Variants in PRKAR1B observed in about 807,000 individuals in gnomAD.
PRKAR1B encodes the protein protein kinase cAMP-dependent type I regulatory subunit beta, also known as cAMP-dependent protein kinase type I-beta regulatory subunit.
PRKAR1B carries 22 observed loss-of-function variants against 46.5 expected under a neutral mutation model. The ratio of observed to expected loss-of-function variants is 0.47; its 90% CI spans 0.34 to 0.68. The LOEUF (loss-of-function observed/expected upper bound fraction) is 0.68, where lower values mean the gene tolerates loss of function less well. Ranked by LOEUF, PRKAR1B falls within the 30% of genes least tolerant of loss-of-function variation. The probability of loss-of-function intolerance (pLI) is 0.01; values close to 1 mark genes in which losing one functional copy is unlikely to be tolerated. For missense variants in PRKAR1B, 445 were observed against 535.6 expected (o/e 0.83, Z 1.67); for synonymous variants, 259 against 217.7 (o/e 1.19, Z -1.67).
intron 7 of PRKAR1B, among the ~76,000 whole-genome samples, chr7:587,368 A>C (rs1016103964): frequency 8.5e-5 from 13 of 152,224 alleles, no homozygotes; most frequent in African/African-American, 2.9e-4. Context: ...GGCTGTGCCC[A>C]TCACATTGTC....
chr7:579,109 A>T, intron 9 of PRKAR1B, 147 bp downstream of exon 9: 1 of 1,535,158 alleles, frequency 6.5e-7, no homozygotes, highest in Non-Finnish European at 8.7e-7. Flanking sequence ...CAGACCACCC[A>T]CCCCATGGAG....
Position 596,127 on chromosome 7 carries a change from T to A in PRKAR1B, c.708+19A>T, listed in dbSNP as rs760050047. On this transcript the variant is annotated intron_variant, in intron 7 of 10. Transcript: ENST00000537384. The stretch of plus-strand genomic sequence containing the variant: ...CAAGGGTGGGTGTTGGCCTTCTCTG[T>A]GCTTGGGCACCAACTCACCATAAGG... 1.2e-6 allele frequency: 2 copies of A among 1,606,308 alleles called. No homozygotes were observed. Among genetic ancestry groups the A allele is most frequent in the African/African-American group, 2.7e-5 (2 of 74,814 alleles).
intron 8 of PRKAR1B, 41 bp from the exon 9 acceptor site, chr7:579,418 G>GC (rs1246475794): frequency 6.2e-7 from 1 of 1,606,684 alleles, no homozygotes; most frequent in Non-Finnish European, 8.5e-7. Context: ...CGGGGCCCAC[G>GC]CCCCCACAGC....
At chr7:723,108 C>G (rs1241809773) in intron 1 of PRKAR1B, among the ~76,000 whole-genome samples, 1 of 152,184 alleles carries the variant, frequency 6.6e-6, no homozygotes, top group South Asian at 2.1e-4. Flanking sequence ...CATGCTCGTT[C>G]TGGGTCTCTT....
rs551143257 is a variant in PRKAR1B, at chr7:711,207, G to A, written c.177+122C>T. 3.6e-3 allele frequency: 4,914 copies of A among 1,350,272 alleles called. 15 individuals are homozygous for A. Among genetic ancestry groups the A allele is most frequent in the Middle Eastern group, 6.9e-3 (26 of 3,752 alleles). The allele number at this position is 1,350,272 out of a possible 1,614,324, so 83.6% of individuals were successfully genotyped here. A position where few individuals can be genotyped will look rare whatever the true frequency, so the allele number is the denominator to read the frequency against. On this transcript the variant is annotated intron_variant, in intron 2 of 10. Transcript: ENST00000537384. Reference sequence around the variant, plus strand: ...CGCTTCTGGAAGGACCTGCAGGACGGCAGACAGTCTCTGGGGCACCCAGCC... The same window carrying A: ...CGCTTCTGGAAGGACCTGCAGGACGACAGACAGTCTCTGGGGCACCCAGCC...
intron 7 of PRKAR1B, among the ~76,000 whole-genome samples, chr7:588,753 A>ACGATGG (rs1397666893): frequency 2.7e-4 from 1 of 3,668 alleles, no homozygotes; most frequent in Non-Finnish European, 6.3e-4. Flanking sequence ...GGTGATGGTG[A>ACGATGG]TGGTGATGGT....
intron 7 of PRKAR1B, among the ~76,000 whole-genome samples, chr7:588,925 G>T (rs62431444): frequency 0.92 from 1,413 of 1,532 alleles, 663 homozygotes; most frequent in Non-Finnish European, 0.94. Context: ...GTGATGGTGG[G>T]GATAGAGATG....
intron 8 of PRKAR1B, among the ~76,000 whole-genome samples, chr7:580,286 G>A (rs1367036566): frequency 1.3e-5 from 2 of 151,684 alleles, no homozygotes; most frequent in Non-Finnish European, 2.9e-5. Flanking sequence ...GGGTGCAGTG[G>A]CTCAAGCCTG....
intron 2 of PRKAR1B, among the ~76,000 whole-genome samples, chr7:702,207 A>C (rs945105029): frequency 1.3e-5 from 2 of 152,146 alleles, no homozygotes; most frequent in African/African-American, 4.8e-5. Context: ...GTATATTATA[A>C]TGCCTATAGC....
chr7:592,652 A>C (rs1211955556), intron 7 of PRKAR1B, among the ~76,000 whole-genome samples: 2 of 152,264 alleles, frequency 1.3e-5, no homozygotes, highest in Non-Finnish European at 2.9e-5. Context: ...CCTCCACCAC[A>C]GAATTCTACA....
intron 4 of PRKAR1B, among the ~76,000 whole-genome samples, chr7:671,369 A>G (rs1786244943): frequency 6.6e-6 from 1 of 152,252 alleles, no homozygotes; most frequent in African/African-American, 2.4e-5. Context: ...CGAGCCATGC[A>G]GAGGGACGGG....
chr7:710,680 C>G (rs914685665), intron 2 of PRKAR1B, among the ~76,000 whole-genome samples: 1 of 141,986 alleles, frequency 7.0e-6, no homozygotes, highest in African/African-American at 2.7e-5. Flanking sequence ...GAGTCTCGCT[C>G]TGTCGCCCAG....
chr7:721,161 A>T (rs1781058176), intron 1 of PRKAR1B, among the ~76,000 whole-genome samples: 1 of 152,122 alleles, frequency 6.6e-6, no homozygotes, highest in South Asian at 2.1e-4. Context: ...AACCCTTCTC[A>T]CTGTTAAATA....
intron 6 of PRKAR1B, among the ~76,000 whole-genome samples, chr7:605,284 T>G (rs2128463321): frequency 6.6e-6 from 1 of 152,230 alleles, no homozygotes; most frequent in Middle Eastern, 3.4e-3. Context: ...GGAAACAAAC[T>G]CCTAGCGGGC....
chr7:616,707 C>A (rs1184052004), intron 4 of PRKAR1B, among the ~76,000 whole-genome samples: 1 of 152,200 alleles, frequency 6.6e-6, no homozygotes, highest in Non-Finnish European at 1.5e-5. Context: ...CCAGCCTTTT[C>A]CCTCCACACC....
intron 1 of PRKAR1B, among the ~76,000 whole-genome samples, chr7:721,823 C>T (rs553061239): frequency 2.5e-4 from 38 of 152,250 alleles, no homozygotes; most frequent in African/African-American, 8.9e-4. Flanking sequence ...AGCTCTTTCC[C>T]CTTTACAGTT....
chr7:673,741 A>T (rs1786421103), intron 4 of PRKAR1B, among the ~76,000 whole-genome samples: 1 of 152,168 alleles, frequency 6.6e-6, no homozygotes, highest in Admixed American at 6.5e-5. Context: ...CTGTGCACGT[A>T]TCCCAGGGCC....
chr7:571,787 C>T (rs1000582984), intron 9 of PRKAR1B, among the ~76,000 whole-genome samples: 16 of 152,256 alleles, frequency 1.1e-4, no homozygotes, highest in South Asian at 4.1e-4. Context: ...GGTGCCCGGG[C>T]GGGCACCGCC....
chr7:673,045 TAAAAAA>T (rs992683667), intron 4 of PRKAR1B, among the ~76,000 whole-genome samples: 12 of 26,548 alleles, frequency 4.5e-4, no homozygotes, highest in African/African-American at 1.5e-3. Flanking sequence ...GCCTTGTCTT[TAAAAAA>T]AAAAAAAAAA....
Sources: gnomAD v4.1 joint callset for allele counts (sites outside exome capture counted in the v4.1 genomes callset) on GRCh38, gnomAD v4.1.1 for gene constraint, MANE v1.5 for transcripts, NCBI Gene and HGNC (gene_info 2026-07-23, HGNC 2026-07-21) for gene names.